Variants in COL5A2 observed in about 807,000 individuals in gnomAD.
The protein encoded by COL5A2 is collagen type V alpha 2 chain.
COL5A2 carries 23 observed loss-of-function variants against 208.2 expected under a neutral mutation model. That is an observed-to-expected ratio of 0.11 (90% CI 0.08 to 0.16). The LOEUF (loss-of-function observed/expected upper bound fraction) is 0.16. COL5A2 is among the 10% of genes least tolerant of loss of function. COL5A2 has a pLI of 1.00. For synonymous variants in COL5A2, 625 were observed against 628.5 expected (o/e 0.99, Z 0.08); for missense variants, 1,590 against 1,956.4 (o/e 0.81, Z 3.53).
chr2:189,334,380 T>C, the COL5A2 span, among the ~76,000 whole-genome samples: 1 of 151,808 alleles, frequency 6.6e-6, no homozygotes, highest in African/African-American at 2.4e-5. Flanking sequence ...CAACAAAAAA[T>C]AAAAAGTGAA....
chr2:189,080,067 G>T (rs1559094021), intron 13 of COL5A2, 36 bp from the exon 14 acceptor site: 3 of 1,559,028 alleles, frequency 1.9e-6, no homozygotes, highest in Non-Finnish European at 2.7e-6. Flanking sequence ...TTTGTATCCT[G>T]TTTTTTTCAA....
intron 36 of COL5A2, 34 bp from the exon 37 acceptor site, chr2:189,053,982 A>C: frequency 6.3e-7 from 1 of 1,597,804 alleles, no homozygotes; most frequent in South Asian, 1.1e-5. Flanking sequence ...TACTGTCCAA[A>C]ACAGTAGCTA....
the COL5A2 span, among the ~76,000 whole-genome samples, chr2:189,397,132 G>A: frequency 6.6e-6 from 1 of 152,152 alleles, no homozygotes; most frequent in Non-Finnish European, 1.5e-5. Flanking sequence ...GGGGAACTTT[G>A]GAAGGAATTA....
chr2:189,391,528 G>A, the COL5A2 span, among the ~76,000 whole-genome samples: 1 of 152,032 alleles, frequency 6.6e-6, no homozygotes, highest in Admixed American at 6.6e-5. Context: ...CAGAAGAGAC[G>A]ATGTGCAAAG....
At chr2:189,151,713 T>G (rs1031250451) in intron 1 of COL5A2, among the ~76,000 whole-genome samples, 3 of 152,174 alleles carry the variant, frequency 2.0e-5, no homozygotes, top group Non-Finnish European at 4.4e-5. Flanking sequence ...TAGTGTACCT[T>G]CTCTAATTTT....
chr2:189,184,580 C>G (rs1688823622), upstream of COL5A2, among the ~76,000 whole-genome samples: 1 of 152,186 alleles, frequency 6.6e-6, no homozygotes. Context: ...CTTCCTCCAT[C>G]TGCAAAGCCA....
intron 1 of COL5A2, among the ~76,000 whole-genome samples, chr2:189,116,793 C>G (rs2105726854): frequency 6.6e-6 from 1 of 152,200 alleles, no homozygotes; most frequent in East Asian, 1.9e-4. Context: ...ATTATTTGAG[C>G]TGAGTTAAAT....
chr2:189,078,282 A>G (rs1344337966), intron 16 of COL5A2, among the ~76,000 whole-genome samples: 1 of 152,190 alleles, frequency 6.6e-6, no homozygotes, highest in African/African-American at 2.4e-5. Flanking sequence ...AAAGTAGATG[A>G]CAAATGTACT....
the COL5A2 span, among the ~76,000 whole-genome samples, chr2:189,363,441 T>G: frequency 6.6e-6 from 1 of 152,144 alleles, no homozygotes; most frequent in Non-Finnish European, 1.5e-5. Flanking sequence ...TCTCCTTAAT[T>G]AATGTGGCAA....
In COL5A2 at chr2:189,052,818, C is replaced by T; in HGVS notation, c.2662-16G>A. The T allele has an allele frequency of 6.2e-7, 1 of 1,614,054 alleles. No individual in the cohort carries two copies. Reference sequence around the variant, plus strand: ...CATTAGGACCCTGAATAGAAACAAACAAAAGAGCACTATAGTGAAGCAAAA... The same window carrying T: ...CATTAGGACCCTGAATAGAAACAAATAAAAGAGCACTATAGTGAAGCAAAA... On this transcript the variant is annotated splice_polypyrimidine_tract_variant and intron_variant, in intron 39 of 53. Transcript: ENST00000374866.
In COL5A2 at chr2:189,045,924, T is replaced by C; in HGVS notation, c.3202-17A>G. On this transcript the variant is annotated splice_polypyrimidine_tract_variant and intron_variant, in intron 45 of 53. Coordinates refer to ENST00000374866, the MANE Select transcript of COL5A2 (RefSeq NM_000393.5). ...ACGATCACCCTAACAAGAATAACCA[T>C]GATATTATTTTTTAACATTTATTCT... 4 of 1,598,052 alleles carry C rather than the reference T, an allele frequency of 2.5e-6. No individual in the cohort carries two copies. Among genetic ancestry groups the C allele is most frequent in the East Asian group, 2.2e-5 (1 of 44,798 alleles).
At position 189,035,044 on chromosome 2, in the gene COL5A2, C is replaced by T. The variant is rs1685415753; in HGVS notation, c.4225G>A (p.Val1409Ile). 1.2e-6 allele frequency: 2 copies of T among 1,613,870 alleles called. No homozygotes were observed. Among genetic ancestry groups the T allele is most frequent in the Non-Finnish European group, 1.7e-6 (2 of 1,179,874 alleles). The change falls in exon 53 of 54, where the codon GTA becomes ATA. Residue 1409 changes from valine (V) to isoleucine (I), a missense_variant. Coordinates refer to ENST00000374866, the MANE Select transcript of COL5A2 (RefSeq NM_000393.5). ...TTAGCTTGATCGTCCATGTATCCTACACTGTTTTTACAGATGTAAGTGATG... is the reference window on the plus strand; with the variant it reads ...TTAGCTTGATCGTCCATGTATCCTATACTGTTTTTACAGATGTAAGTGATG... ...QNITYICKNS[V>I]GYMDDQAKNL... is the part of the protein sequence containing the mutation.
the COL5A2 span, among the ~76,000 whole-genome samples, chr2:189,240,992 C>G: frequency 6.6e-6 from 1 of 152,152 alleles, no homozygotes; most frequent in African/African-American, 2.4e-5. Flanking sequence ...CTTCAAACTT[C>G]CAAATCTAAT....
chr2:189,162,123 T>C (rs1688379195), intron 1 of COL5A2, among the ~76,000 whole-genome samples: 1 of 152,228 alleles, frequency 6.6e-6, no homozygotes, highest in African/African-American at 2.4e-5. Context: ...GGAAGTCTTC[T>C]GTTATTCCCC....
At chr2:189,242,869 C>T in the COL5A2 span, among the ~76,000 whole-genome samples, 4 of 152,154 alleles carry the variant, frequency 2.6e-5, no homozygotes, top group East Asian at 1.9e-4. Context: ...TCAGGAACTT[C>T]GAGGGTAAGT....
chr2:189,388,397 T>A, the COL5A2 span, among the ~76,000 whole-genome samples: 1 of 151,968 alleles, frequency 6.6e-6, no homozygotes, highest in Admixed American at 6.6e-5. Flanking sequence ...ACTATAATAG[T>A]CCTGGGGTGG....
the COL5A2 span, among the ~76,000 whole-genome samples, chr2:189,420,299 A>G: frequency 1.3e-5 from 2 of 152,222 alleles, no homozygotes; most frequent in Admixed American, 1.3e-4. Flanking sequence ...TGAATTACTT[A>G]GTAAACATAA....
At chr2:189,071,968 A>T in intron 18 of COL5A2, 72 bp downstream of exon 18, 4 of 1,017,628 alleles carry the variant, frequency 3.9e-6, no homozygotes, top group Non-Finnish European at 6.0e-6. Flanking sequence ...AATTAATTAA[A>T]TGTCATTCTT....
chr2:189,100,236 G>A, intron 3 of COL5A2, 97 bp from the exon 4 acceptor site: 8 of 924,020 alleles, frequency 8.7e-6, no homozygotes, highest in Middle Eastern at 2.2e-4. Context: ...GTAAACACAG[G>A]GAATTTCTAT....
Sources: gnomAD v4.1 joint callset for allele counts (sites outside exome capture counted in the v4.1 genomes callset) on GRCh38, gnomAD v4.1.1 for gene constraint, MANE v1.5 for transcripts, NCBI Gene and HGNC (gene_info 2026-07-23, HGNC 2026-07-21) for gene names.